EXOC4: variants seen among roughly 807,000 people sequenced by gnomAD.
The protein encoded by EXOC4 is exocyst complex component 4, also known as SEC8-like 1.
Under a neutral mutation model 107.2 loss-of-function variants are expected in EXOC4, and 71 were observed. That is an observed-to-expected ratio of 0.66 (90% confidence interval 0.55 to 0.81). EXOC4 has a LOEUF of 0.81. Ranked by LOEUF, EXOC4 falls within the 30% of genes least tolerant of loss-of-function variation. The probability of loss-of-function intolerance (pLI) is 0.00; values close to 1 mark genes in which losing one functional copy is unlikely to be tolerated. For synonymous variants in EXOC4, 456 were observed against 441.2 expected (o/e 1.03, Z -0.42); for missense variants, 1,108 against 1,189.6 (o/e 0.93, Z 1.01).
intron 9 of EXOC4, among the ~76,000 whole-genome samples, chr7:133,549,034 T>C (rs571709861): frequency 1.3e-5 from 2 of 152,342 alleles, no homozygotes; most frequent in African/African-American, 4.8e-5. Context: ...GACAGAGTCT[T>C]GCTTTGTCAC....
chr7:133,948,861 GTGTC>G (rs908455902), intron 14 of EXOC4, among the ~76,000 whole-genome samples: 13 of 152,186 alleles, frequency 8.5e-5, no homozygotes, highest in Non-Finnish European at 1.5e-4. Flanking sequence ...GCAGACCAGA[GTGTC>G]TGGAAAAACA....
At chr7:133,268,018 C>A (rs1793774572) in intron 1 of EXOC4, among the ~76,000 whole-genome samples, 1 of 152,176 alleles carries the variant, frequency 6.6e-6, no homozygotes, top group African/African-American at 2.4e-5. Context: ...TGTTGTGATT[C>A]ATAGATTATT....
the EXOC4 span, among the ~76,000 whole-genome samples, chr7:134,078,902 C>G: frequency 6.6e-6 from 1 of 152,168 alleles, no homozygotes; most frequent in Non-Finnish European, 1.5e-5. Context: ...ATTTTCATTT[C>G]CATGTTTTCT....
At chr7:133,562,565 T>G (rs1010973935) in intron 9 of EXOC4, among the ~76,000 whole-genome samples, 3 of 152,186 alleles carry the variant, frequency 2.0e-5, no homozygotes, top group African/African-American at 7.2e-5. Context: ...AAATATTAGC[T>G]TTACTTTAAC....
intron 10 of EXOC4, among the ~76,000 whole-genome samples, chr7:133,713,905 T>G (rs941257474): frequency 6.6e-6 from 1 of 152,142 alleles, no homozygotes; most frequent in Non-Finnish European, 1.5e-5. Context: ...TTACCCAATT[T>G]CAGGCAGTTC....
At chr7:133,517,965 A>G (rs1799910600) in intron 9 of EXOC4, among the ~76,000 whole-genome samples, 1 of 151,824 alleles carries the variant, frequency 6.6e-6, no homozygotes, top group Non-Finnish European at 1.5e-5. Flanking sequence ...GGACTCGACT[A>G]TGTAGTTCTT....
intron 17 of EXOC4, chr7:134,009,885 G>C (rs1221838385): frequency 2.0e-5 from 3 of 152,108 alleles, no homozygotes; most frequent in African/African-American, 7.2e-5. Context: ...ATGCTGACTG[G>C]GCAGGATTGA....
chr7:133,945,258 A>G (rs1397533419), intron 14 of EXOC4, among the ~76,000 whole-genome samples: 2 of 152,208 alleles, frequency 1.3e-5, no homozygotes, highest in Non-Finnish European at 2.9e-5. Context: ...GCTTTTTAAC[A>G]TATCCCCAGG....
intron 17 of EXOC4, 41 bp downstream of exon 17, chr7:134,007,876 A>G (rs778840912): frequency 1.6e-5 from 25 of 1,568,804 alleles, no homozygotes; most frequent in Non-Finnish European, 2.1e-5. Context: ...TGCCAAAGCT[A>G]AGACCTCGTT....
intron 11 of EXOC4, among the ~76,000 whole-genome samples, chr7:133,874,804 A>G (rs967525832): frequency 1.2e-4 from 19 of 152,218 alleles, no homozygotes; most frequent in Non-Finnish European, 2.1e-4. Flanking sequence ...TTTCCTAATG[A>G]ATCATGCCCC....
At chr7:133,554,885 A>G (rs1455244645) in intron 9 of EXOC4, among the ~76,000 whole-genome samples, 1 of 152,202 alleles carries the variant, frequency 6.6e-6, no homozygotes, top group Non-Finnish European at 1.5e-5. Flanking sequence ...TGTTTGTGGA[A>G]TTAAAAGATG....
chr7:133,405,998 A>G (rs1266062688), intron 7 of EXOC4, among the ~76,000 whole-genome samples: 2 of 152,326 alleles, frequency 1.3e-5, no homozygotes, highest in Non-Finnish European at 1.5e-5. Flanking sequence ...CAAGATATAC[A>G]TGATCTGAAA....
intron 9 of EXOC4, among the ~76,000 whole-genome samples, chr7:133,582,589 T>A (rs1488948138): frequency 1.3e-5 from 2 of 152,174 alleles, no homozygotes; most frequent in Non-Finnish European, 2.9e-5. Flanking sequence ...TCTATTTTTT[T>A]TTTTATTTTA....
chr7:133,588,317 T>C (rs1286505766), intron 9 of EXOC4, among the ~76,000 whole-genome samples: 3 of 152,196 alleles, frequency 2.0e-5, no homozygotes, highest in Non-Finnish European at 4.4e-5. Context: ...TCCTCCCTTC[T>C]TTCTCCCCAG....
chr7:133,942,671 C>T (rs6969721), intron 14 of EXOC4, among the ~76,000 whole-genome samples: 2,288 of 152,224 alleles, frequency 0.015, 54 homozygotes, highest in African/African-American at 0.052. Flanking sequence ...CTTTCTACTA[C>T]GTCAGTTAGA....
At chr7:133,399,732 G>A (rs994464158) in intron 7 of EXOC4, among the ~76,000 whole-genome samples, 2 of 152,196 alleles carry the variant, frequency 1.3e-5, no homozygotes, top group African/African-American at 4.8e-5. Flanking sequence ...AATTAGAGCT[G>A]GACTGCCCAC....
intron 9 of EXOC4, among the ~76,000 whole-genome samples, chr7:133,562,887 G>A (rs1381562202): frequency 6.6e-6 from 1 of 152,120 alleles, no homozygotes. Context: ...CCCTGCTGTG[G>A]CCAAACTGAA....
intron 9 of EXOC4, among the ~76,000 whole-genome samples, chr7:133,485,033 T>C (rs1799240798): frequency 7.2e-6 from 1 of 139,394 alleles, no homozygotes; most frequent in Admixed American, 7.9e-5. Flanking sequence ...TGAGCCGAGA[T>C]CGCGCCACTG....
intron 4 of EXOC4, among the ~76,000 whole-genome samples, chr7:133,306,460 G>C (rs1794756019): frequency 6.6e-6 from 1 of 152,108 alleles, no homozygotes; most frequent in African/African-American, 2.4e-5. Context: ...CACTATGAGA[G>C]GCTGAGGTGG....
Sources: allele counts gnomAD v4.1 joint callset (sites outside exome capture counted in the v4.1 genomes callset), GRCh38; gene constraint gnomAD v4.1.1; transcripts MANE v1.5; gene names NCBI Gene and HGNC (gene_info 2026-07-23, HGNC 2026-07-21).